The following PRPF6 variants were observed in gnomAD, a reference collection of about 807,000 sequenced individuals.
The protein encoded by PRPF6 is pre-mRNA-processing factor 6.
A neutral mutation model predicts 118.3 loss-of-function variants in PRPF6; 42 were observed. That is an observed-to-expected ratio of 0.35 (90% CI 0.28 to 0.46). The LOEUF is 0.46. Among genes scored for constraint, PRPF6 ranks in the 20% least tolerant of loss-of-function variants. The pLI, the probability that PRPF6 is intolerant of heterozygous loss-of-function variation, is 1.00. For missense variants in PRPF6, 662 were observed against 1,255.7 expected (o/e 0.53, Z 7.15); for synonymous variants, 481 against 485.1 (o/e 0.99, Z 0.11).
At position 63,986,345 on chromosome 20, in the gene PRPF6, CA is replaced by C. The variant is rs931360870; in HGVS notation, c.359+1339del. The stretch of plus-strand genomic sequence containing the variant: ...GGGAGACAAGAGCAAGACTCCATCT[CA>C]AAAAAAAAAAAAAAAAAAGATCGTT... On this transcript the variant is annotated intron_variant, in intron 3 of 20. Coordinates refer to ENST00000266079, the MANE Select transcript of PRPF6 (RefSeq NM_012469.4). Among the ~76,000 whole-genome samples the C allele has an allele frequency of 7.5e-3, 338 of 45,360 alleles. 1 individual carries two copies. Among genetic ancestry groups the C allele is most frequent in the African/African-American group, 9.9e-3 (130 of 13,096 alleles). The allele number at this position is 45,360 out of a possible 152,430, so 29.8% of individuals were successfully genotyped here.
intron 4 of PRPF6, 137 bp from the exon 5 acceptor site, chr20:63,994,779 T>TA (rs1202082956): frequency 3.5e-6 from 4 of 1,150,382 alleles, no homozygotes; most frequent in Non-Finnish European, 5.0e-6. Flanking sequence ...AAAACAAAAG[T>TA]AAAAAACAGT....
At chr20:63,981,543 C>T (rs1048557872) in intron 1 of PRPF6, among the ~76,000 whole-genome samples, 5 of 152,106 alleles carry the variant, frequency 3.3e-5, no homozygotes, top group African/African-American at 4.8e-5. Flanking sequence ...GTGTTTTGGT[C>T]TGTAAGATGG....
chr20:64,016,306 T>G (rs2059237941), intron 11 of PRPF6, among the ~76,000 whole-genome samples: 1 of 152,014 alleles, frequency 6.6e-6, no homozygotes, highest in Non-Finnish European at 1.5e-5. Context: ...TATTTTATTT[T>G]TTAGTAGAGA....
Position 64,024,587 on chromosome 20 carries a change from T to C in PRPF6, c.1802T>C (p.Val601Ala). ...ESLEALLQRAVAHCPKAEVLW... is the reference protein window; with the variant it reads ...ESLEALLQRAAAHCPKAEVLW... ...CTGGAAGCACTCCTGCAGAGGGCTG[T>C]GGCCCACTGCCCCAAAGCAGAGGTG... Residue 601 changes from valine (V) to alanine (A), a missense_variant, in exon 14 of 21, where the codon GTG becomes GCG. This residue lies in a region of PRPF6 where 15 missense variants were observed against 66.5 expected (regional missense o/e 0.23). Coordinates refer to ENST00000266079, the MANE Select transcript of PRPF6 (RefSeq NM_012469.4). The C allele has an allele frequency of 6.2e-7, 1 of 1,613,688 alleles. No homozygotes were observed. The highest frequency in any genetic ancestry group is 2.2e-5 in the East Asian group (1 of 44,892).
intron 12 of PRPF6, among the ~76,000 whole-genome samples, chr20:64,019,020 G>GTA (rs1315927419): frequency 1.3e-5 from 2 of 151,386 alleles, no homozygotes; most frequent in African/African-American, 4.9e-5. Context: ...CCTGCCCCAT[G>GTA]TATGCTAAAA....
rs113298469 is a variant in PRPF6, at chr20:64,028,467, T to C, written c.2340-11T>C. 2,380 of 1,613,848 alleles carry C rather than the reference T, an allele frequency of 1.5e-3. 33 individuals are homozygous for C. The African/African-American group carries it at 0.027, about 18-fold the overall frequency. ...GACGGCTGTGGGACCTCCGGGGGCC[T>C]GTCTCCTCAGGTTGGAGTCCGTGCG... On this transcript the variant is annotated splice_polypyrimidine_tract_variant and intron_variant, in intron 17 of 20. Coordinates refer to ENST00000266079, the MANE Select transcript of PRPF6 (RefSeq NM_012469.4). The surrounding 1 kb of genome is among the most constrained non-coding windows in gnomAD (Gnocchi z 6.5).
At chr20:63,995,813 C>T (rs1226584780) in intron 6 of PRPF6, among the ~76,000 whole-genome samples, 4 of 151,984 alleles carry the variant, frequency 2.6e-5, no homozygotes, top group South Asian at 2.1e-4. Context: ...CCCACCACCA[C>T]ACCCGGCTAA....
At chr20:64,019,708 C>A (rs2059254462) in intron 12 of PRPF6, among the ~76,000 whole-genome samples, 1 of 152,216 alleles carries the variant, frequency 6.6e-6, no homozygotes. Flanking sequence ...AGGGCCTGAC[C>A]CTCACCGGCA....
rs2059293580 is a variant in PRPF6, at chr20:64,026,853, A to G, written c.2029-129A>G. The G allele has an allele frequency of 5.2e-6, 5 of 969,314 alleles. No homozygotes were observed. The Admixed American group carries it at 9.9e-5, about 19-fold the overall frequency. The allele number at this position is 969,314 out of a possible 1,614,324, so 60.0% of individuals were successfully genotyped here. A position where few individuals can be genotyped will look rare whatever the true frequency, so the allele number is the denominator to read the frequency against. ...ATATTTATCCCCACCTTTTGTGTACACAAACAGGCTATGAAAAGCTTACAA... is the reference window on the plus strand; with the variant it reads ...ATATTTATCCCCACCTTTTGTGTACGCAAACAGGCTATGAAAAGCTTACAA... On this transcript the variant is annotated intron_variant, in intron 15 of 20. Transcript: ENST00000266079. The surrounding 1 kb of genome is among the most constrained non-coding windows in gnomAD (Gnocchi z 4.4).
chr20:63,998,329 G>A (rs2059150245), intron 6 of PRPF6, among the ~76,000 whole-genome samples: 1 of 151,224 alleles, frequency 6.6e-6, no homozygotes, highest in South Asian at 2.1e-4. Context: ...TCCTGATCTT[G>A]TGATCCACCC....
Position 64,024,670 on chromosome 20 carries a change from A to T in PRPF6, c.1885A>T (p.Ser629Cys). 6.2e-7 allele frequency: 1 copy of T among 1,613,162 alleles called. No individual in the cohort carries two copies. Among genetic ancestry groups the T allele is most frequent in the Non-Finnish European group, 8.5e-7 (1 of 1,179,938 alleles). ...WLAGDVPAAR[S>C]ILALAFQANP... ...GGCAGGGGATGTGCCTGCAGCAAGG[A>T]GCATCCTGGCCCTGGCCTTCCAGGT... is the stretch of plus-strand genomic sequence containing the variant. The change falls in exon 14 of 21, where the codon AGC (serine) becomes TGC (cysteine). Residue 629 changes from serine (S) to cysteine (C), a missense_variant. Around this residue, in one of 10 missense-constraint regions of PRPF6, gnomAD observed 15 missense variants for 66.5 expected, o/e 0.23. Coordinates refer to ENST00000266079, the MANE Select transcript of PRPF6 (RefSeq NM_012469.4).
At chr20:64,013,514 A>G (rs922564073) in intron 11 of PRPF6, among the ~76,000 whole-genome samples, 1 of 151,678 alleles carries the variant, frequency 6.6e-6, no homozygotes. Flanking sequence ...TGGTGCAGTC[A>G]TGGCTCACTG....
At chr20:64,018,616 T>A (rs184018919) in intron 12 of PRPF6, among the ~76,000 whole-genome samples, 136 of 152,270 alleles carry the variant, frequency 8.9e-4, no homozygotes, top group East Asian at 1.3e-3. Flanking sequence ...TGATTTTTTT[T>A]AAATCTTTTT....
chr20:63,995,605 T>A, intron 6 of PRPF6, 123 bp downstream of exon 6: 1 of 1,105,790 alleles, frequency 9.0e-7, no homozygotes, highest in Non-Finnish European at 1.3e-6. Flanking sequence ...TCCTCCTTCT[T>A]CTCCTTCTCC....
chr20:64,018,453 T>G (rs1225572166), intron 12 of PRPF6, among the ~76,000 whole-genome samples: 4 of 152,160 alleles, frequency 2.6e-5, no homozygotes, highest in Admixed American at 2.6e-4. Context: ...GTGCACCTGT[T>G]CAACTCCGAC....
At chr20:63,993,843 A>C (rs1022513149) in intron 4 of PRPF6, among the ~76,000 whole-genome samples, 3 of 151,150 alleles carry the variant, frequency 2.0e-5, no homozygotes, top group Admixed American at 6.6e-5. Context: ...TTCACCTCCT[A>C]GGTTCAAGCA....
intron 12 of PRPF6, among the ~76,000 whole-genome samples, chr20:64,018,784 A>G (rs1232478900): frequency 1.3e-5 from 2 of 152,068 alleles, no homozygotes; most frequent in African/African-American, 4.8e-5. Context: ...TGATTTTGTG[A>G]ACAGTTTCTC....
intron 6 of PRPF6, 143 bp from the exon 7 acceptor site, chr20:63,998,902 G>A: frequency 1.5e-6 from 1 of 660,612 alleles, no homozygotes; most frequent in African/African-American, 1.8e-5. Context: ...ATCACAAGGT[G>A]TTGTCTGAGT....
intron 5 of PRPF6, 114 bp downstream of exon 5, chr20:63,995,206 G>A (rs1222646275): frequency 3.2e-6 from 5 of 1,575,480 alleles, no homozygotes; most frequent in East Asian, 4.5e-5. Flanking sequence ...TGCTGTGGCC[G>A]AGTCTGTCTG....
Sources: allele counts gnomAD v4.1 joint callset (sites outside exome capture counted in the v4.1 genomes callset), GRCh38; gene constraint gnomAD v4.1.1; regional missense constraint gnomAD v4.1.1; non-coding constraint Gnocchi (gnomAD v3.1); transcripts MANE v1.5; gene names NCBI Gene and HGNC (gene_info 2026-07-23, HGNC 2026-07-21).